Variants in CDH22 observed in about 807,000 individuals in gnomAD.
The protein encoded by CDH22 is cadherin 22.
A neutral mutation model predicts 58.4 loss-of-function variants in CDH22; 30 were observed. That is an observed-to-expected ratio of 0.51 (90% CI 0.38 to 0.70). The LOEUF (loss-of-function observed/expected upper bound fraction) is 0.70, where lower values mean the gene tolerates loss of function less well. Among genes scored for constraint, CDH22 ranks in the 30% least tolerant of loss-of-function variants. CDH22 has a pLI of 0.00. For missense variants in CDH22, 1,014 were observed against 1,233.9 expected (o/e 0.82, Z 2.67); for synonymous variants, 513 against 558.2 (o/e 0.92, Z 1.14).
intron 4 of CDH22, among the ~76,000 whole-genome samples, chr20:46,217,430 A>T (rs1489753849): frequency 6.6e-6 from 1 of 152,046 alleles, no homozygotes; most frequent in African/African-American, 2.4e-5. Flanking sequence ...AGATACATTC[A>T]CACACACACA....
chr20:46,210,457 G>T lies in CDH22; in HGVS notation c.1136C>A (p.Ala379Glu). 7.0e-7 allele frequency: 1 copy of T among 1,435,090 alleles called. No homozygotes were observed. The allele number at this position is 1,435,090 out of a possible 1,614,324, so 88.9% of individuals were successfully genotyped here. The change falls in exon 7 of 12, where the codon GCG (alanine) becomes GAG (glutamate). Residue 379 changes from alanine to glutamate, a missense_variant. Physicochemically the swap from Ala to Glu is moderately radical, Grantham distance 107. This residue lies in a region of CDH22 where 806 missense variants were observed against 1,038.7 expected (regional missense o/e 0.78). Transcript: ENST00000537909. The surrounding 1 kb of genome is among the most constrained non-coding windows in gnomAD (Gnocchi z 4.5). ...FADLGTFRDQAIVRVAVTDVD... is the reference protein window; with the variant it reads ...FADLGTFRDQEIVRVAVTDVD... ...GTCGGTCACGGCCACGCGCACGATC[G>T]CCTGGTCGCGGAACGTGCCCAGGTC...
intron 1 of CDH22, among the ~76,000 whole-genome samples, chr20:46,303,240 CT>C (rs1304769802): frequency 7.2e-5 from 11 of 152,216 alleles, no homozygotes; most frequent in African/African-American, 2.4e-4. Context: ...GCTATTCTCC[CT>C]CCCCTTGGGG....
At chr20:46,268,228 A>C (rs1007192334) in intron 1 of CDH22, among the ~76,000 whole-genome samples, 1 of 152,222 alleles carries the variant, frequency 6.6e-6, no homozygotes, top group Non-Finnish European at 1.5e-5. Context: ...TGGAAACAAT[A>C]GCAGGCAAGA....
chr20:46,287,515 GA>G (rs1407422633), intron 1 of CDH22, among the ~76,000 whole-genome samples: 2 of 151,948 alleles, frequency 1.3e-5, no homozygotes, highest in Non-Finnish European at 1.5e-5. Context: ...CAGGTGGAGG[GA>G]ACAGCCTGGG....
Position 46,210,867 on chromosome 20 carries a change from G to A in CDH22, c.1033-307C>T, listed in dbSNP as rs2086038541. Among the ~76,000 whole-genome samples the A allele has an allele frequency of 6.6e-6, 1 of 152,168 alleles. No homozygotes were observed. Among genetic ancestry groups the A allele is most frequent in the Non-Finnish European group, 1.5e-5 (1 of 68,030 alleles). On this transcript the variant is annotated intron_variant, in intron 6 of 11. Transcript: ENST00000537909. The surrounding 1 kb of genome is among the most constrained non-coding windows in gnomAD (Gnocchi z 4.5). ...GGCATATTTCATTAGTTTAGTTCACGAACACAAAGCACCTACTGTGTGCCA... is the reference window on the plus strand; with the variant it reads ...GGCATATTTCATTAGTTTAGTTCACAAACACAAAGCACCTACTGTGTGCCA...
intron 1 of CDH22, among the ~76,000 whole-genome samples, chr20:46,286,458 C>A (rs1262189507): frequency 1.3e-5 from 2 of 152,170 alleles, no homozygotes; most frequent in East Asian, 3.8e-4. Context: ...CAGGCAGCTC[C>A]AAGTATGGAA....
At chr20:46,261,644 C>T (rs2086433682) in intron 1 of CDH22, among the ~76,000 whole-genome samples, 1 of 152,194 alleles carries the variant, frequency 6.6e-6, no homozygotes, top group African/African-American at 2.4e-5. Flanking sequence ...CGGTGCCTGA[C>T]AGTCTGGCTC....
rs1388271169 is a variant in CDH22 at position 46,308,381 on chromosome 20, CGGGAGCGAGAGG to C, written c.-538_-527del. On this transcript the variant is annotated 5_prime_UTR_variant, in exon 1 of 12. Coordinates refer to ENST00000537909, the MANE Select transcript of CDH22 (RefSeq NM_021248.3). The surrounding 1 kb of genome is among the most constrained non-coding windows in gnomAD (Gnocchi z 4.3). ...CCGCCCGCAGGAGCCGGAGGGAGAG[CGGGAGCGAGAGG>C]GGGAGCCGCGGCGGCGTGTGCGCGC... 5.1e-6 allele frequency: 1 copy of C among 195,560 alleles called. No homozygotes were observed. The highest frequency in any genetic ancestry group is 2.4e-5 in the African/African-American group (1 of 42,116). The allele number at this position is 195,560 out of a possible 1,614,324, so 12.1% of individuals were successfully genotyped here. A position where few individuals can be genotyped will look rare whatever the true frequency, so the allele number is the denominator to read the frequency against.
Position 46,210,644 on chromosome 20 carries a change from G to A in CDH22, c.1033-84C>T. The A allele has an allele frequency of 1.5e-6, 2 of 1,314,200 alleles. No homozygotes were observed. The highest frequency in any genetic ancestry group is 2.0e-6 in the Non-Finnish European group (2 of 1,000,646). The allele number at this position is 1,314,200 out of a possible 1,614,324, so 81.4% of individuals were successfully genotyped here. On this transcript the variant is annotated intron_variant, in intron 6 of 11. Coordinates refer to ENST00000537909, the MANE Select transcript of CDH22 (RefSeq NM_021248.3). This position sits in a 1 kb window ranked among gnomAD's most constrained non-coding sequence, Gnocchi z 4.5. ...CACGAGGGAGGCCAAGGCAGGCGGG[G>A]TTGGCCCAAGGTCACACGTTGTCTC...
chr20:46,183,578 G>A (rs1225309182), intron 10 of CDH22, among the ~76,000 whole-genome samples: 6 of 152,064 alleles, frequency 3.9e-5, no homozygotes, highest in Admixed American at 2.0e-4. Flanking sequence ...ACAGGTGTGC[G>A]CCACCATGCC....
At chr20:46,266,366 G>T (rs2086459666) in intron 1 of CDH22, among the ~76,000 whole-genome samples, 1 of 152,182 alleles carries the variant, frequency 6.6e-6, no homozygotes, top group African/African-American at 2.4e-5. Context: ...CTCAGCCTCA[G>T]CTCTGCTCAT....
intron 1 of CDH22, among the ~76,000 whole-genome samples, chr20:46,301,589 C>G (rs1397645736): frequency 6.6e-6 from 1 of 151,696 alleles, no homozygotes; most frequent in Non-Finnish European, 1.5e-5. Context: ...GGAGGGTGGA[C>G]CACCAGAGGT....
At chr20:46,228,725 C>T (rs1040522129) in intron 3 of CDH22, among the ~76,000 whole-genome samples, 37 of 152,136 alleles carry the variant, frequency 2.4e-4, no homozygotes, top group Non-Finnish European at 4.7e-4. Flanking sequence ...CAGAGAGATG[C>T]CCTCTGCTGG....
At chr20:46,258,310 C>A (rs1037802584) in intron 1 of CDH22, among the ~76,000 whole-genome samples, 6 of 152,104 alleles carry the variant, frequency 3.9e-5, no homozygotes, top group African/African-American at 1.4e-4. Flanking sequence ...CCAACCGCAT[C>A]CCAGTAGAGA....
intron 10 of CDH22, among the ~76,000 whole-genome samples, chr20:46,180,551 A>AT (rs951093040): frequency 2.6e-5 from 4 of 152,148 alleles, no homozygotes; most frequent in African/African-American, 4.8e-5. Flanking sequence ...TACTGAATGG[A>AT]TTTTTTTTAT....
chr20:46,206,514 T>C (rs2086003041), intron 7 of CDH22, among the ~76,000 whole-genome samples: 1 of 152,150 alleles, frequency 6.6e-6, no homozygotes, highest in Non-Finnish European at 1.5e-5. Flanking sequence ...CCTCATGTCT[T>C]CATTTCCAGG....
chr20:46,273,404 A>G (rs879519237), intron 1 of CDH22, among the ~76,000 whole-genome samples: 9 of 152,192 alleles, frequency 5.9e-5, no homozygotes, highest in Non-Finnish European at 1.2e-4. Context: ...TTTTTAGCTG[A>G]AGAGTTGGCC....
chr20:46,242,823 G>A (rs1352810657), intron 2 of CDH22, among the ~76,000 whole-genome samples: 2 of 152,214 alleles, frequency 1.3e-5, no homozygotes, highest in South Asian at 2.1e-4. Context: ...GGTAGCTATC[G>A]TTATTATTAT....
intron 1 of CDH22, among the ~76,000 whole-genome samples, chr20:46,298,766 T>C (rs1038541230): frequency 6.6e-6 from 1 of 152,102 alleles, no homozygotes; most frequent in Non-Finnish European, 1.5e-5. Flanking sequence ...CTCCCAAGCA[T>C]AGGCTCCCCT....
Sources: allele counts gnomAD v4.1 joint callset (sites outside exome capture counted in the v4.1 genomes callset), GRCh38; gene constraint gnomAD v4.1.1; regional missense constraint gnomAD v4.1.1; non-coding constraint Gnocchi (gnomAD v3.1); transcripts MANE v1.5; gene names NCBI Gene and HGNC (gene_info 2026-07-23, HGNC 2026-07-21).